PLCH1: variants seen among roughly 807,000 people sequenced by gnomAD.
PLCH1 encodes the protein phospholipase C eta 1, also known as 1-phosphatidylinositol 4,5-bisphosphate phosphodiesterase eta-1.
PLCH1 carries 60 observed loss-of-function variants against 126.7 expected under a neutral mutation model. The ratio of observed to expected loss-of-function variants is 0.47; its 90% confidence interval spans 0.38 to 0.59. The LOEUF (loss-of-function observed/expected upper bound fraction) is 0.59. Among genes scored for constraint, PLCH1 ranks in the 20% least tolerant of loss-of-function variants. The pLI is 0.00. For missense variants in PLCH1, 1,723 were observed against 2,040.0 expected (o/e 0.84, Z 2.99); for synonymous variants, 719 against 734.9 (o/e 0.98, Z 0.35).
chr3:155,694,297 T>C (rs448062), intron 2 of PLCH1, among the ~76,000 whole-genome samples: 60,637 of 152,070 alleles, frequency 0.4, 12,853 homozygotes, highest in African/African-American at 0.53. Context: ...TCAGAGCCTC[T>C]GAGCTGGGAC....
chr3:155,458,443 AAGG>A (rs1712540317), intron 21 of PLCH1, among the ~76,000 whole-genome samples: 4 of 83,360 alleles, frequency 4.8e-5, no homozygotes, highest in Non-Finnish European at 8.6e-5. Context: ...GGAAGGAAGG[AAGG>A]AAGGAAGGAA....
intron 2 of PLCH1, among the ~76,000 whole-genome samples, chr3:155,631,621 G>A (rs1012781608): frequency 6.6e-6 from 1 of 152,170 alleles, no homozygotes; most frequent in Non-Finnish European, 1.5e-5. Flanking sequence ...CACTCCAATT[G>A]CTGATAAGTA....
intron 2 of PLCH1, among the ~76,000 whole-genome samples, chr3:155,618,644 T>C (rs1736083118): frequency 6.6e-6 from 1 of 152,160 alleles, no homozygotes; most frequent in Non-Finnish European, 1.5e-5. Context: ...CCCAATGGTA[T>C]CTGATCTTCT....
At chr3:155,722,560 C>G (rs898418302) in intron 1 of PLCH1, among the ~76,000 whole-genome samples, 2 of 152,126 alleles carry the variant, frequency 1.3e-5, no homozygotes, top group African/African-American at 4.8e-5. Context: ...AATGCTTTTT[C>G]TGAGTCTATT....
At chr3:155,621,932 A>G (rs1736568536) in intron 2 of PLCH1, among the ~76,000 whole-genome samples, 1 of 152,186 alleles carries the variant, frequency 6.6e-6, no homozygotes, top group Non-Finnish European at 1.5e-5. Context: ...ATAATCCTCA[A>G]GAAGAACAAC....
At chr3:155,501,417 A>G (rs1717871674) in intron 13 of PLCH1, among the ~76,000 whole-genome samples, 2 of 152,190 alleles carry the variant, frequency 1.3e-5, no homozygotes, top group African/African-American at 4.8e-5. Context: ...CTGTTTCACA[A>G]TAAAACTTTT....
At chr3:155,526,046 T>C (rs940027301) in intron 10 of PLCH1, among the ~76,000 whole-genome samples, 1 of 152,208 alleles carries the variant, frequency 6.6e-6, no homozygotes, top group African/African-American at 2.4e-5. Flanking sequence ...GGCTTTTTAC[T>C]ACAGGCAGAA....
At chr3:155,476,785 T>A (rs913835966), downstream of PLCH1, among the ~76,000 whole-genome samples, 1 of 152,156 alleles carries the variant, frequency 6.6e-6, no homozygotes, top group Non-Finnish European at 1.5e-5. Flanking sequence ...TCCATATTCA[T>A]GGATTGGAAG....
intron 15 of PLCH1, among the ~76,000 whole-genome samples, chr3:155,495,044 G>A (rs540848197): frequency 6.6e-6 from 1 of 152,202 alleles, no homozygotes; most frequent in African/African-American, 2.4e-5. Context: ...AAAAAGTTGA[G>A]TTTTAAAGTT....
chr3:155,736,953 G>A (rs1172793779), intron 1 of PLCH1, among the ~76,000 whole-genome samples: 4 of 151,842 alleles, frequency 2.6e-5, no homozygotes, highest in African/African-American at 9.7e-5. Context: ...ATACAGGCCG[G>A]GCACAGTGGC....
intron 1 of PLCH1, among the ~76,000 whole-genome samples, chr3:155,734,322 T>C (rs1748996608): frequency 6.6e-6 from 1 of 151,872 alleles, no homozygotes; most frequent in African/African-American, 2.4e-5. Flanking sequence ...TAGACAGTCA[T>C]AGTGGCATGT....
In PLCH1 at chr3:155,737,231, CA is replaced by C. The variant is rs557369057; in HGVS notation, c.-41+7608del. ...TGGGTGACAGAGCAAGCCTCCGTCT[CA>C]AAAAAAAAAAAAAAAAAGAGTATAT... On this transcript the variant is annotated intron_variant, in intron 1 of 22. Coordinates refer to ENST00000460012, the MANE Select transcript of PLCH1 (RefSeq NM_014996.4). Among the ~76,000 whole-genome samples, 54 of 59,540 alleles carry C rather than the reference CA, an allele frequency of 9.1e-4. 1 individual carries two copies. Among genetic ancestry groups the C allele is most frequent in the East Asian group, 3.7e-3 (7 of 1,884 alleles). 39.1% of individuals were successfully genotyped at this position (59,540 alleles called of 152,430 possible).
At chr3:155,593,796 G>A in intron 4 of PLCH1, 145 bp downstream of exon 4, 1 of 719,960 alleles carries the variant, frequency 1.4e-6, no homozygotes. Flanking sequence ...AGAGTCAGGA[G>A]GGGAGAAGAC....
At chr3:155,659,343 T>TTTTC (rs1559907111) in intron 2 of PLCH1, among the ~76,000 whole-genome samples, 2 of 124,980 alleles carry the variant, frequency 1.6e-5, no homozygotes, top group Non-Finnish European at 3.3e-5. Context: ...TTTTTTTTTT[T>TTTTC]CCGAGATAGG....
intron 6 of PLCH1, among the ~76,000 whole-genome samples, chr3:155,570,614 A>T (rs537161550): frequency 2.6e-5 from 4 of 152,344 alleles, no homozygotes; most frequent in Admixed American, 6.5e-5. Flanking sequence ...ATAGTCTTGT[A>T]AATTTAGTGT....
chr3:155,584,517 C>T (rs963592328), intron 5 of PLCH1, among the ~76,000 whole-genome samples: 5 of 152,312 alleles, frequency 3.3e-5, no homozygotes, highest in Admixed American at 2.6e-4. Flanking sequence ...GCCTTACTTA[C>T]AGGTTGGCTG....
At chr3:155,498,235 G>A (rs910799415) in intron 14 of PLCH1, among the ~76,000 whole-genome samples, 1 of 152,214 alleles carries the variant, frequency 6.6e-6, no homozygotes, top group African/African-American at 2.4e-5. Context: ...TAAAGTGCGG[G>A]AGTAGTAATG....
chr3:155,513,462 T>A (rs1719883957), intron 12 of PLCH1, among the ~76,000 whole-genome samples: 1 of 152,148 alleles, frequency 6.6e-6, no homozygotes, highest in South Asian at 2.1e-4. Flanking sequence ...TAATCTAGGA[T>A]GGGGCAAAGA....
intron 2 of PLCH1, among the ~76,000 whole-genome samples, chr3:155,692,153 C>G (rs1745436031): frequency 6.6e-6 from 1 of 151,882 alleles, no homozygotes; most frequent in Non-Finnish European, 1.5e-5. Flanking sequence ...CTAAGAAAGC[C>G]TATTAAAGGA....
Sources: gnomAD v4.1 joint callset for allele counts (sites outside exome capture counted in the v4.1 genomes callset) on GRCh38, gnomAD v4.1.1 for gene constraint, MANE v1.5 for transcripts, NCBI Gene and HGNC (gene_info 2026-07-23, HGNC 2026-07-21) for gene names.